Variants in TMOD3 observed in about 807,000 individuals in gnomAD.
TMOD3 encodes tropomodulin 3, also known as tropomodulin-3.
In TMOD3, 20 loss-of-function variants were observed where a neutral mutation model predicts 39.2. The observed-to-expected ratio is 0.51, with a 90% CI of 0.36 to 0.74. The LOEUF is 0.74. Ranked by LOEUF, TMOD3 falls within the 30% of genes least tolerant of loss-of-function variation. The pLI is 0.00. For missense variants in TMOD3, 381 were observed against 412.8 expected, an observed-to-expected ratio of 0.92 and a Z score of 0.67; for synonymous variants, 143 against 145.8, an observed-to-expected ratio of 0.98 and a Z score of 0.14.
At chr15:51,854,661 C>G (rs1411138523) in intron 1 of TMOD3, among the ~76,000 whole-genome samples, 1 of 152,104 alleles carries the variant, frequency 6.6e-6, no homozygotes, top group Non-Finnish European at 1.5e-5. Flanking sequence ...TATATAGATC[C>G]CTTTTAAAGG....
At chr15:51,896,610 C>T in intron 7 of TMOD3, 84 bp downstream of exon 7, 1 of 970,736 alleles carries the variant, frequency 1.0e-6, no homozygotes, top group South Asian at 1.5e-5. Context: ...AGATTTACCC[C>T]TTTTTTATAG....
Position 51,887,588 on chromosome 15 carries a change from G to C in TMOD3, c.284-1G>C, listed in dbSNP as rs1203883747. The C allele has an allele frequency of 6.2e-7, 1 of 1,609,640 alleles. No homozygotes were observed. Among genetic ancestry groups the C allele is most frequent in the East Asian group, 2.2e-5 (1 of 44,792 alleles). On this transcript the variant is annotated splice_acceptor_variant, in intron 3 of 9. Coordinates refer to ENST00000308580, the MANE Select transcript of TMOD3 (RefSeq NM_014547.5). LOFTEE classifies it high-confidence loss of function. ...AATTAACAAAATGCTTTATTTTACA[G>C]GGAAAATATTTATCCCCAAACAGAA...
At chr15:51,871,287 G>GA (rs2056473521) in intron 3 of TMOD3, among the ~76,000 whole-genome samples, 1 of 152,162 alleles carries the variant, frequency 6.6e-6, no homozygotes, top group Non-Finnish European at 1.5e-5. Flanking sequence ...ATTTGTCAAA[G>GA]AAAACTACTG....
chr15:51,895,844 C>T (rs1415998315), intron 6 of TMOD3, among the ~76,000 whole-genome samples: 2 of 152,186 alleles, frequency 1.3e-5, no homozygotes, highest in South Asian at 4.1e-4. Flanking sequence ...TGCAGTGACT[C>T]ATGCCTGTAA....
At chr15:51,841,518 C>G (rs2056312526) in intron 1 of TMOD3, among the ~76,000 whole-genome samples, 1 of 152,184 alleles carries the variant, frequency 6.6e-6, no homozygotes, top group Non-Finnish European at 1.5e-5. Flanking sequence ...TAGCCCCCTT[C>G]TAAAGAACCT....
intron 1 of TMOD3, among the ~76,000 whole-genome samples, chr15:51,842,692 G>C (rs186521876): frequency 5.9e-5 from 9 of 152,174 alleles, no homozygotes; most frequent in Admixed American, 5.9e-4. Context: ...GACTGAGTTC[G>C]TGCTTTTATC....
chr15:51,866,134 A>G (rs1482258603), intron 2 of TMOD3, among the ~76,000 whole-genome samples: 1 of 152,144 alleles, frequency 6.6e-6, no homozygotes, highest in South Asian at 2.1e-4. Flanking sequence ...AGTCTCTAAA[A>G]CCAGCTAGCT....
chr15:51,869,857 C>T (rs933612069), intron 3 of TMOD3, among the ~76,000 whole-genome samples: 2 of 152,000 alleles, frequency 1.3e-5, no homozygotes. Context: ...GGAAATTTTT[C>T]TAGTCCAAGT....
In TMOD3 at chr15:51,913,562, AT is replaced by A. The variant is rs1338357581; in HGVS notation, c.*4753del. 1 of 152,226 alleles carries A rather than the reference AT, an allele frequency of 6.6e-6. No individual in the cohort carries two copies. Among genetic ancestry groups the A allele is most frequent in the Admixed American group, 6.5e-5 (1 of 15,288 alleles). The allele number at this position is 152,226 out of a possible 1,614,324, so 9.4% of individuals were successfully genotyped here. ...TTCTATAAGTTCTTCCCTATAAAAA[AT>A]GAATGAATTAGAAATTTGATAATAA... On this transcript the variant is annotated 3_prime_UTR_variant, in exon 10 of 10. Coordinates refer to ENST00000308580, the MANE Select transcript of TMOD3 (RefSeq NM_014547.5).
At chr15:51,876,463 G>A (rs1449933128) in intron 3 of TMOD3, among the ~76,000 whole-genome samples, 1 of 130,984 alleles carries the variant, frequency 7.6e-6, no homozygotes, top group African/African-American at 2.7e-5. Flanking sequence ...TGCACCCAGC[G>A]CTTTTTTTTT....
intron 1 of TMOD3, among the ~76,000 whole-genome samples, chr15:51,843,633 G>C (rs1210767619): frequency 6.6e-6 from 1 of 152,080 alleles, no homozygotes; most frequent in Non-Finnish European, 1.5e-5. Context: ...AGTTTCTCTA[G>C]GTCTTAGAAC....
intron 3 of TMOD3, among the ~76,000 whole-genome samples, chr15:51,886,731 G>T (rs537997642): frequency 1.3e-5 from 2 of 152,224 alleles, no homozygotes; most frequent in African/African-American, 4.8e-5. Context: ...GAGAGGGAGA[G>T]GGAGAGGGCT....
intron 3 of TMOD3, among the ~76,000 whole-genome samples, chr15:51,881,689 G>A (rs1251707625): frequency 6.7e-6 from 1 of 148,228 alleles, no homozygotes; most frequent in Non-Finnish European, 1.5e-5. Flanking sequence ...AGCCTCCTGA[G>A]TAGCTGGGAT....
At chr15:51,838,237 C>T (rs1021027240) in intron 1 of TMOD3, among the ~76,000 whole-genome samples, 1 of 152,130 alleles carries the variant, frequency 6.6e-6, no homozygotes, top group African/African-American at 2.4e-5. Flanking sequence ...CTAATTCTGT[C>T]CCTCCCTGAC....
chr15:51,889,139 T>C lies in TMOD3; in HGVS notation c.490T>C (p.Phe164Leu). 3.1e-6 allele frequency: 5 copies of C among 1,590,990 alleles called. No homozygotes were observed. The highest frequency in any genetic ancestry group is 4.3e-6 in the Non-Finnish European group (5 of 1,163,332). ...TAGTAATGGTGTTGACCAAGAACAT[T>C]TTTCAAGTGAGTACTTAAAATGCTT... Reference protein sequence around the residue: ...GSSNGVDQEHFSNVVKGEKIL... With the variant: ...GSSNGVDQEHLSNVVKGEKIL... The change falls in exon 5 of 10, where the codon TTT becomes CTT. Residue 164 changes from phenylalanine (F) to leucine (L), a missense_variant. Physicochemically the swap from Phe to Leu is conservative, Grantham distance 22. Coordinates refer to ENST00000308580, the MANE Select transcript of TMOD3 (RefSeq NM_014547.5).
intron 3 of TMOD3, among the ~76,000 whole-genome samples, chr15:51,875,604 G>T (rs1454613472): frequency 1.4e-5 from 2 of 141,276 alleles, no homozygotes; most frequent in Non-Finnish European, 3.0e-5. Context: ...ATACCGTAAA[G>T]TACTGCCTTT....
intron 5 of TMOD3, 116 bp from the exon 6 acceptor site, chr15:51,893,699 A>C (rs376576973): frequency 4.1e-6 from 4 of 983,106 alleles, no homozygotes; most frequent in African/African-American, 3.4e-5. Flanking sequence ...CGGGAGGCGG[A>C]GCTTGCAGTG....
intron 9 of TMOD3, chr15:51,907,343 G>C (rs2056687189): frequency 6.6e-6 from 1 of 152,160 alleles, no homozygotes; most frequent in Non-Finnish European, 1.5e-5. Flanking sequence ...ATAAACTTAA[G>C]AGTCAGGCGA....
rs1450593296 is a variant in TMOD3 at position 51,832,230 on chromosome 15, T to TATATATATATATATATATATATATA, written c.-75+2396_-75+2397insATATATATATATATATATATATAAT. 2.6e-4 allele frequency among the ~76,000 whole-genome samples: 36 copies of TATATATATATATATATATATATATA among 136,618 alleles called. 2 individuals carry two copies. Among genetic ancestry groups the TATATATATATATATATATATATATA allele is most frequent in the African/African-American group, 1.0e-3 (36 of 36,156 alleles). The allele number at this position is 136,618 out of a possible 152,430, so 89.6% of individuals were successfully genotyped here. On this transcript the variant is annotated intron_variant, in intron 1 of 9. Transcript: ENST00000308580. ...ATATATATATATATATATATATATA[T>TATATATATATATATATATATATATA]ATGAATGACATGGTTCCTGTCTAGG...
Sources: gnomAD v4.1 joint callset for allele counts (sites outside exome capture counted in the v4.1 genomes callset) on GRCh38, gnomAD v4.1.1 for gene constraint, MANE v1.5 for transcripts, NCBI Gene and HGNC (gene_info 2026-07-23, HGNC 2026-07-21) for gene names.